KIAA0232: variants seen among roughly 807,000 people sequenced by gnomAD.
KIAA0232 encodes KIAA0232.
A neutral mutation model predicts 122.0 loss-of-function variants in KIAA0232; 27 were observed. The observed-to-expected ratio is 0.22, with a 90% CI of 0.16 to 0.31. The LOEUF (loss-of-function observed/expected upper bound fraction) is 0.31. KIAA0232 is among the 10% of genes least tolerant of loss of function. The pLI is 1.00. For synonymous variants in KIAA0232, 613 were observed against 587.6 expected (o/e 1.04, Z -0.63); for missense variants, 1,551 against 1,634.2 (o/e 0.95, Z 0.88).
intron 1 of KIAA0232, among the ~76,000 whole-genome samples, chr4:6,800,904 C>T (rs924889392): frequency 1.3e-5 from 2 of 152,148 alleles, no homozygotes; most frequent in Non-Finnish European, 2.9e-5. Context: ...CAGGCAGGTT[C>T]TTAAGGGTTT....
intron 4 of KIAA0232, among the ~76,000 whole-genome samples, chr4:6,844,449 CT>C (rs1232543431): frequency 2.0e-5 from 3 of 150,130 alleles, no homozygotes. Flanking sequence ...TTTCTTTTTT[CT>C]TTTTTTGAGA....
chr4:6,882,884 A>G lies in KIAA0232; in HGVS notation c.*1918A>G, dbSNP rs753090982. The G allele has an allele frequency of 6.6e-6, 1 of 152,652 alleles. No individual in the cohort carries two copies. Among genetic ancestry groups the G allele is most frequent in the Non-Finnish European group, 1.5e-5 (1 of 68,034 alleles). The allele number at this position is 152,652 out of a possible 1,614,324, so 9.5% of individuals were successfully genotyped here. A position where few individuals can be genotyped will look rare whatever the true frequency, so the allele number is the denominator to read the frequency against. Reference sequence around the variant, plus strand: ...TGCTTGTGTAGCAAAGACCAAATAAATAGATTTCAGACACAACCTTGAGCA... The same window carrying G: ...TGCTTGTGTAGCAAAGACCAAATAAGTAGATTTCAGACACAACCTTGAGCA... On this transcript the variant is annotated 3_prime_UTR_variant, in exon 10 of 10. Transcript: ENST00000307659.
chr4:6,787,887 G>C (rs1250860112), intron 1 of KIAA0232, among the ~76,000 whole-genome samples: 1 of 152,146 alleles, frequency 6.6e-6, no homozygotes, highest in Non-Finnish European at 1.5e-5. Flanking sequence ...AAGGTTATGG[G>C]CTTTCTCCTC....
intron 2 of KIAA0232, among the ~76,000 whole-genome samples, chr4:6,807,335 A>G (rs1322755749): frequency 6.6e-6 from 1 of 152,232 alleles, no homozygotes; most frequent in Non-Finnish European, 1.5e-5. Flanking sequence ...CCTGTTTATG[A>G]AAATATTAAT....
chr4:6,791,076 G>A (rs750903625), intron 1 of KIAA0232, among the ~76,000 whole-genome samples: 1 of 150,628 alleles, frequency 6.6e-6, no homozygotes, highest in Non-Finnish European at 1.5e-5. Flanking sequence ...GTGCCACCAT[G>A]CCCAGATAAT....
intron 1 of KIAA0232, among the ~76,000 whole-genome samples, chr4:6,784,822 T>C (rs1164745006): frequency 7.1e-6 from 1 of 140,432 alleles, no homozygotes; most frequent in African/African-American, 2.5e-5. Flanking sequence ...GTGCAGGTGC[T>C]TTTTTGTTTG....
At chr4:6,783,164 C>T (rs1010350123) in intron 1 of KIAA0232, among the ~76,000 whole-genome samples, 6 of 151,724 alleles carry the variant, frequency 4.0e-5, no homozygotes, top group African/African-American at 1.5e-4. Context: ...CTAAGGGAGA[C>T]CGGGCCGCTG....
chr4:6,806,796 G>A (rs368417940), intron 2 of KIAA0232, among the ~76,000 whole-genome samples: 28 of 142,190 alleles, frequency 2.0e-4, no homozygotes, highest in African/African-American at 6.8e-4. Flanking sequence ...CAGGCTGATC[G>A]AAACTTTCAG....
At chr4:6,857,432 G>C (rs1166490812) in intron 5 of KIAA0232, among the ~76,000 whole-genome samples, 2 of 152,222 alleles carry the variant, frequency 1.3e-5, no homozygotes, top group Non-Finnish European at 2.9e-5. Flanking sequence ...CACTCATAGA[G>C]ATTCCTGCAA....
intron 9 of KIAA0232, among the ~76,000 whole-genome samples, chr4:6,880,023 T>G (rs1340140600): frequency 2.5e-5 from 1 of 39,500 alleles, no homozygotes; most frequent in Admixed American, 2.1e-4. Context: ...CCTCACCATC[T>G]GTACTGTGTC....
At chr4:6,827,219 C>T (rs1362484075) in intron 3 of KIAA0232, among the ~76,000 whole-genome samples, 3 of 152,234 alleles carry the variant, frequency 2.0e-5, no homozygotes, top group Non-Finnish European at 4.4e-5. Flanking sequence ...CCTTTATCCC[C>T]TGCATTGCTT....
chr4:6,801,479 A>C (rs771154011), intron 1 of KIAA0232, among the ~76,000 whole-genome samples: 4 of 152,124 alleles, frequency 2.6e-5, no homozygotes, highest in Non-Finnish European at 5.9e-5. Context: ...GCTTGAGCCT[A>C]GGAGTTCGTG....
chr4:6,820,649 TAAAA>T (rs112583780), intron 2 of KIAA0232, among the ~76,000 whole-genome samples: 2,362 of 152,178 alleles, frequency 0.016, 58 homozygotes, highest in African/African-American at 0.054. Context: ...TGTTATTAAA[TAAAA>T]GCTCTACAAT....
Position 6,824,480 on chromosome 4 carries a change from G to A in KIAA0232, c.27G>A (p.Val9=). MYPICTVV[V]DGLPSESSSS... ...TGTACCCTATCTGTACAGTTGTTGT[G>A]GATGGTTTGCCATCTGAAAGCTCCT... The change falls in exon 3 of 10, where the codon GTG becomes GTA. Residue 9 remains valine (V), a synonymous_variant. Transcript: ENST00000307659. 1 of 1,614,134 alleles carries A rather than the reference G, an allele frequency of 6.2e-7. No homozygotes were observed. The highest frequency in any genetic ancestry group is 8.5e-7 in the Non-Finnish European group (1 of 1,179,996).
intron 1 of KIAA0232, among the ~76,000 whole-genome samples, chr4:6,796,603 A>G (rs1405446822): frequency 2.6e-5 from 4 of 152,192 alleles, no homozygotes; most frequent in Non-Finnish European, 4.4e-5. Flanking sequence ...AACATAGCCT[A>G]TCTGAGGAAT....
rs1010221310 is a variant in KIAA0232, at chr4:6,828,568, A to T, written c.231+3884A>T. ...ATGATTTTTGATACATGAATATAAG[A>T]TGTTATCAAATCAGGGTATTTGAGT... On this transcript the variant is annotated intron_variant, in intron 3 of 9. Transcript: ENST00000307659. Among the ~76,000 whole-genome samples, 5 of 152,160 alleles carry T rather than the reference A, an allele frequency of 3.3e-5. No individual in the cohort carries two copies. In the East Asian group the frequency reaches 7.7e-4, roughly 23 times the overall value.
chr4:6,862,606 A>T lies in KIAA0232; in HGVS notation c.2224A>T (p.Ile742Phe). The T allele has an allele frequency of 6.2e-7, 1 of 1,613,898 alleles. No individual in the cohort carries two copies. The highest frequency in any genetic ancestry group is 8.5e-7 in the Non-Finnish European group (1 of 1,179,954). The change falls in exon 7 of 10, where the codon ATT becomes TTT. Residue 742 changes from isoleucine (I) to phenylalanine (F), a missense_variant. Ile to Phe is a conservative substitution (Grantham distance 21). Coordinates refer to ENST00000307659, the MANE Select transcript of KIAA0232 (RefSeq NM_014743.3). ...EESTQFNAED[I>F]NYVVPRVSSN... is the part of the protein sequence containing the mutation. ...ATCCACACAGTTTAATGCCGAAGATATTAATTATGTAGTTCCTAGAGTCTC... is the reference window on the plus strand; with the variant it reads ...ATCCACACAGTTTAATGCCGAAGATTTTAATTATGTAGTTCCTAGAGTCTC...
In KIAA0232 at chr4:6,882,824, C is replaced by T. The variant is rs1577429648; in HGVS notation, c.*1858C>T. On this transcript the variant is annotated 3_prime_UTR_variant, in exon 10 of 10. Coordinates refer to ENST00000307659, the MANE Select transcript of KIAA0232 (RefSeq NM_014743.3). ...AAAGGATTGAAAGTTGTAAATTCCT[C>T]ATATCACTACAGTGACGATTATTCT... The T allele has an allele frequency of 6.5e-6, 1 of 152,772 alleles. No individual in the cohort carries two copies. The highest frequency in any genetic ancestry group is 1.9e-4 in the East Asian group (1 of 5,186). The allele number at this position is 152,772 out of a possible 1,614,324, so 9.5% of individuals were successfully genotyped here. A position where few individuals can be genotyped will look rare whatever the true frequency, so the allele number is the denominator to read the frequency against.
chr4:6,847,185 T>A (rs1720010675), intron 4 of KIAA0232, among the ~76,000 whole-genome samples: 1 of 152,214 alleles, frequency 6.6e-6, no homozygotes, highest in African/African-American at 2.4e-5. Context: ...TGTGTGTGTG[T>A]GACACATGTG....
Sources: gnomAD v4.1 joint callset for allele counts (sites outside exome capture counted in the v4.1 genomes callset) on GRCh38, gnomAD v4.1.1 for gene constraint, MANE v1.5 for transcripts, NCBI Gene and HGNC (gene_info 2026-07-23, HGNC 2026-07-21) for gene names.